APBA1: variants seen among roughly 807,000 people sequenced by gnomAD.
APBA1 encodes amyloid beta precursor protein binding family A member 1, also known as amyloid-beta A4 precursor protein-binding family A member 1.
Under a neutral mutation model 86.6 loss-of-function variants are expected in APBA1, and 55 were observed. That is an observed-to-expected ratio of 0.64 (90% confidence interval 0.51 to 0.80). The LOEUF is 0.80. APBA1 is among the 30% of genes least tolerant of loss of function. The probability of loss-of-function intolerance (pLI) is 0.00; values close to 1 mark genes in which losing one functional copy is unlikely to be tolerated. For missense variants in APBA1, 1,090 were observed against 1,183.0 expected (o/e 0.92, Z 1.15); for synonymous variants, 511 against 493.9 (o/e 1.03, Z -0.46).
intron 1 of APBA1, among the ~76,000 whole-genome samples, chr9:69,539,535 T>C (rs1836570081): frequency 6.6e-6 from 1 of 152,208 alleles, no homozygotes; most frequent in Admixed American, 6.5e-5. Flanking sequence ...TTTTCTTACC[T>C]GGACCATGTC....
chr9:69,640,927 G>A lies in APBA1; in HGVS notation c.-70+31226C>T, dbSNP rs76542086. 2.7e-5 allele frequency among the ~76,000 whole-genome samples: 4 copies of A among 149,952 alleles called. No homozygotes were observed. In the East Asian group the frequency reaches 8.0e-4, roughly 30 times the overall value. On this transcript the variant is annotated intron_variant, in intron 1 of 12. Coordinates refer to ENST00000265381, the MANE Select transcript of APBA1 (RefSeq NM_001163.4). ...GAAAGAGGAGAGGGGAGAGGGGAGA[G>A]GGGAGAGGGGAAAGGAGAGGGAGAA...
chr9:69,630,400 T>C (rs1823018850), intron 1 of APBA1, among the ~76,000 whole-genome samples: 1 of 152,178 alleles, frequency 6.6e-6, no homozygotes, highest in Non-Finnish European at 1.5e-5. Flanking sequence ...TGGACTCTGC[T>C]CATCAGTTTC....
intron 1 of APBA1, among the ~76,000 whole-genome samples, chr9:69,564,602 T>G (rs1055174869): frequency 1.9e-4 from 29 of 152,206 alleles, no homozygotes; most frequent in African/African-American, 6.0e-4. Context: ...GCCAGAATTT[T>G]GGGGAGTAAA....
intron 1 of APBA1, among the ~76,000 whole-genome samples, chr9:69,523,456 T>G (rs1029233747): frequency 7.5e-6 from 1 of 133,896 alleles, no homozygotes; most frequent in Non-Finnish European, 1.5e-5. Context: ...TTAGCTATCA[T>G]GTATGTGTAT....
chr9:69,627,094 C>T (rs1308622470), intron 1 of APBA1, among the ~76,000 whole-genome samples: 1 of 152,124 alleles, frequency 6.6e-6, no homozygotes, highest in African/African-American at 2.4e-5. Flanking sequence ...TTTCTTAAGG[C>T]ACTTCAAAAG....
intron 9 of APBA1, 144 bp downstream of exon 9, chr9:69,451,978 A>T: frequency 1.3e-6 from 1 of 761,336 alleles, no homozygotes; most frequent in Non-Finnish European, 2.2e-6. Context: ...GGAGCGAGAG[A>T]TGGGGGTGAA....
rs150144353 is a variant in APBA1 at position 69,598,616 on chromosome 9, C to A, written c.-70+73537G>T. On this transcript the variant is annotated intron_variant, in intron 1 of 12. Coordinates refer to ENST00000265381, the MANE Select transcript of APBA1 (RefSeq NM_001163.4). ...CTCCTCTAGGTCCCTGCATCTTGAA[C>A]AGAACCTGTATCTACTGAATGAATA... 3.2e-3 allele frequency among the ~76,000 whole-genome samples: 490 copies of A among 152,176 alleles called. 1 individual carries two copies. The highest frequency in any genetic ancestry group is 0.011 in the African/African-American group (459 of 41,490).
chr9:69,446,436 C>T (rs1238883631), intron 10 of APBA1, among the ~76,000 whole-genome samples: 1 of 152,234 alleles, frequency 6.6e-6, no homozygotes, highest in Admixed American at 6.5e-5. Context: ...TCATCAGTTA[C>T]ATCTCTTTTA....
chr9:69,550,193 T>C (rs1836762981), intron 1 of APBA1, among the ~76,000 whole-genome samples: 2 of 152,238 alleles, frequency 1.3e-5, no homozygotes, highest in African/African-American at 4.8e-5. Flanking sequence ...TTATAAACTG[T>C]ACTTGTAACT....
intron 11 of APBA1, among the ~76,000 whole-genome samples, chr9:69,434,553 A>AGG (rs1834664552): frequency 6.6e-6 from 1 of 152,074 alleles, no homozygotes; most frequent in Admixed American, 6.5e-5. Context: ...CTAAAAATAC[A>AGG]AAAATTAGCC....
chr9:69,523,495 A>ATATG (rs1333051495), intron 1 of APBA1, among the ~76,000 whole-genome samples: 1 of 14,834 alleles, frequency 6.7e-5, no homozygotes, highest in Non-Finnish European at 1.7e-4. Context: ...ATATATATAT[A>ATATG]TGTATATATA....
chr9:69,472,868 G>T (rs78705728), intron 3 of APBA1, among the ~76,000 whole-genome samples: 134 of 152,276 alleles, frequency 8.8e-4, no homozygotes, highest in Non-Finnish European at 1.6e-3. Context: ...TGATAACTTG[G>T]TTAATACTTG....
Position 69,428,922 on chromosome 9 carries a change from A to T in APBA1, c.*2405T>A, listed in dbSNP as rs1008101642. 2 of 152,214 alleles carry T rather than the reference A, an allele frequency of 1.3e-5. No individual in the cohort carries two copies. The highest frequency in any genetic ancestry group is 4.8e-5 in the African/African-American group (2 of 41,456). The allele number at this position is 152,214 out of a possible 1,614,324, so 9.4% of individuals were successfully genotyped here. ...GAAATCTTCTCACTCTAATGTTACAATGTCAGTCCTCTAGGAGAGCTTGCA... is the reference window on the plus strand; with the variant it reads ...GAAATCTTCTCACTCTAATGTTACATTGTCAGTCCTCTAGGAGAGCTTGCA... On this transcript the variant is annotated 3_prime_UTR_variant, in exon 13 of 13. Transcript: ENST00000265381.
At position 69,593,567 on chromosome 9, in the gene APBA1, T is replaced by C. The variant is rs549305576; in HGVS notation, c.-69-76288A>G. ...GTAAGCAGAAAACAGATGTAATATG[T>C]GGCTCAGGAAATTACAGGAGGCTAA... On this transcript the variant is annotated intron_variant, in intron 1 of 12. Coordinates refer to ENST00000265381, the MANE Select transcript of APBA1 (RefSeq NM_001163.4). 3.3e-5 allele frequency among the ~76,000 whole-genome samples: 5 copies of C among 152,344 alleles called. No homozygotes were observed. In the East Asian group the frequency reaches 9.6e-4, roughly 29 times the overall value.
chr9:69,519,639 C>G (rs1229333287), intron 1 of APBA1, among the ~76,000 whole-genome samples: 1 of 152,182 alleles, frequency 6.6e-6, no homozygotes, highest in Non-Finnish European at 1.5e-5. Context: ...AGAGGTGTCA[C>G]AGTTGTGTGT....
chr9:69,626,784 C>T lies in APBA1; in HGVS notation c.-70+45369G>A, dbSNP rs529901345. ...GATTTTATGTTCATGTCCTAAGGCA[C>T]ATTGCTATCCACAAAAGCCAATGGC... On this transcript the variant is annotated intron_variant, in intron 1 of 12. Coordinates refer to ENST00000265381, the MANE Select transcript of APBA1 (RefSeq NM_001163.4). Among the ~76,000 whole-genome samples, 6 of 152,036 alleles carry T rather than the reference C, an allele frequency of 3.9e-5. 1 individual carries two copies. Among genetic ancestry groups the T allele is most frequent in the African/African-American group, 1.4e-4 (6 of 41,488 alleles).
intron 1 of APBA1, among the ~76,000 whole-genome samples, chr9:69,617,936 T>C (rs764197457): frequency 6.7e-6 from 1 of 148,792 alleles, no homozygotes; most frequent in African/African-American, 2.5e-5. Flanking sequence ...GGCCTCCCCA[T>C]GCTTCATCAT....
intron 2 of APBA1, among the ~76,000 whole-genome samples, chr9:69,505,147 T>C (rs1047796839): frequency 2.0e-5 from 3 of 152,068 alleles, no homozygotes; most frequent in Non-Finnish European, 4.4e-5. Context: ...TGGCTTAAAA[T>C]GATAAAGGTT....
chr9:69,595,920 G>A (rs1021662311), intron 1 of APBA1, among the ~76,000 whole-genome samples: 1 of 152,172 alleles, frequency 6.6e-6, no homozygotes, highest in African/African-American at 2.4e-5. Flanking sequence ...CTGAACCAGT[G>A]AGACTCTAGA....
Sources: gnomAD v4.1 joint callset for allele counts (sites outside exome capture counted in the v4.1 genomes callset) on GRCh38, gnomAD v4.1.1 for gene constraint, MANE v1.5 for transcripts, NCBI Gene and HGNC (gene_info 2026-07-23, HGNC 2026-07-21) for gene names.